The following PRKCH variants were observed in gnomAD, a reference collection of about 807,000 sequenced individuals.
The protein encoded by PRKCH is protein kinase C eta type.
A neutral mutation model predicts 82.5 loss-of-function variants in PRKCH; 28 were observed. That is an observed-to-expected ratio of 0.34 (90% confidence interval 0.25 to 0.47). PRKCH has a LOEUF of 0.47. Among genes scored for constraint, PRKCH ranks in the 20% least tolerant of loss-of-function variants. The pLI is 1.00. For missense variants in PRKCH, 705 were observed against 881.8 expected, an observed-to-expected ratio of 0.80 and a Z score of 2.54; for synonymous variants, 322 against 327.4, an observed-to-expected ratio of 0.98 and a Z score of 0.18.
intron 4 of PRKCH, 79 bp from the exon 5 acceptor site, chr14:61,449,085 C>A: frequency 7.4e-7 from 1 of 1,343,958 alleles, no homozygotes; most frequent in South Asian, 1.2e-5. Flanking sequence ...TGGCACGGTG[C>A]AGCCCTGGTT....
At chr14:61,533,293 C>T (rs1206223967) in intron 12 of PRKCH, among the ~76,000 whole-genome samples, 1 of 129,716 alleles carries the variant, frequency 7.7e-6, no homozygotes, top group African/African-American at 2.7e-5. Context: ...GATAAAATTA[C>T]TAAAAAAAAA....
chr14:61,191,726 C>T (rs2044407883), intron 1 of PRKCH, among the ~76,000 whole-genome samples: 1 of 151,906 alleles, frequency 6.6e-6, no homozygotes, highest in Non-Finnish European at 1.5e-5. Context: ...TCAACTTACT[C>T]CTTCTGAATT....
In PRKCH at chr14:61,202,715, A is replaced by G. The variant is rs1246923062; in HGVS notation, c.-19+15047A>G. Among the ~76,000 whole-genome samples, 10 of 152,306 alleles carry G rather than the reference A, an allele frequency of 6.6e-5. No individual in the cohort carries two copies. In the East Asian group the frequency reaches 1.5e-3, roughly 24 times the overall value. On this transcript the variant is annotated intron_variant, in intron 1 of 3. Coordinates refer to the PRKCH transcript ENST00000555185. Reference sequence around the variant, plus strand: ...CCACTTACAAAAAAATTAATAGACTATTCTTTGAAAAGTTTTAGGTTTACA... The same window carrying G: ...CCACTTACAAAAAAATTAATAGACTGTTCTTTGAAAAGTTTTAGGTTTACA...
intron 10 of PRKCH, among the ~76,000 whole-genome samples, chr14:61,505,373 GTCTTTTCTTTTCTTT>G (rs1171315407): frequency 1.9e-5 from 2 of 104,234 alleles, no homozygotes; most frequent in Admixed American, 1.0e-4. Context: ...TCTAGGATTT[GTCTTTTCTTTTCTTT>G]TCTTTTCTTT....
At chr14:61,212,428 A>G (rs147900739) in intron 1 of PRKCH, among the ~76,000 whole-genome samples, 47 of 152,374 alleles carry the variant, frequency 3.1e-4, no homozygotes, top group Middle Eastern at 3.4e-3. Context: ...AGAATCAGTA[A>G]TACATAGACA....
At chr14:61,339,903 T>C (rs1049476715) in intron 1 of PRKCH, among the ~76,000 whole-genome samples, 2 of 151,884 alleles carry the variant, frequency 1.3e-5, no homozygotes, top group African/African-American at 4.8e-5. Context: ...CAGGCTGGTC[T>C]CCAAGTGCGG....
intron 1 of PRKCH, among the ~76,000 whole-genome samples, chr14:61,362,199 G>C (rs2046233469): frequency 6.6e-6 from 1 of 152,064 alleles, no homozygotes; most frequent in Non-Finnish European, 1.5e-5. Flanking sequence ...AAATAGCTAA[G>C]TGTGGTGCTA....
chr14:61,322,056 G>T lies in PRKCH; in HGVS notation c.-46G>T. 1.3e-6 allele frequency: 2 copies of T among 1,490,530 alleles called. No homozygotes were observed. The highest frequency in any genetic ancestry group is 2.5e-5 in the East Asian group (1 of 40,052). The allele number at this position is 1,490,530 out of a possible 1,614,324, so 92.3% of individuals were successfully genotyped here. On this transcript the variant is annotated 5_prime_UTR_variant, in exon 1 of 14. Coordinates refer to ENST00000332981, the MANE Select transcript of PRKCH (RefSeq NM_006255.5). ...CTGAGACGGGACTCCCGGTTCTCCC[G>T]CTGCGAAGCAGCGCGGCCCCCCGGG...
chr14:61,262,416 A>C (rs2045057368), intron 1 of PRKCH, among the ~76,000 whole-genome samples: 1 of 152,170 alleles, frequency 6.6e-6, no homozygotes, highest in African/African-American at 2.4e-5. Flanking sequence ...TGCGGGGATC[A>C]AAAGAAGCTG....
upstream of PRKCH, among the ~76,000 whole-genome samples, chr14:61,318,342 C>T (rs552399231): frequency 6.6e-6 from 1 of 151,730 alleles, no homozygotes; most frequent in Admixed American, 6.6e-5. Context: ...AACACAGGCA[C>T]GTGCCCTGGC....
At position 61,465,853 on chromosome 14, in the gene PRKCH, C is replaced by T. The variant is rs149730053; in HGVS notation, c.1278+8174C>T. Among the ~76,000 whole-genome samples the T allele has an allele frequency of 2.1e-3, 318 of 152,300 alleles. 1 individual carries two copies. The highest frequency in any genetic ancestry group is 7.3e-3 in the African/African-American group (305 of 41,556). On this transcript the variant is annotated intron_variant, in intron 9 of 13. Transcript: ENST00000332981. The stretch of plus-strand genomic sequence containing the variant: ...TTAAATTGTCAGGTACCGTCGTAAG[C>T]ACCTAACATGTATTGTTTATTGCAC...
Position 61,280,989 on chromosome 14 carries a change from G to A in PRKCH, c.-19+93321G>A. ...CCTTGATGCCGTTGGAGGAGTAGTA[G>A]AGGCCCAGGCCCAGGCCGATGAAGG... On this transcript the variant is annotated intron_variant, in intron 1 of 3. Coordinates refer to the PRKCH transcript ENST00000555185. The surrounding 1 kb of genome is among the most constrained non-coding windows in gnomAD (Gnocchi z 5.0). 6.5e-7 allele frequency: 1 copy of A among 1,542,360 alleles called. No individual in the cohort carries two copies. Among genetic ancestry groups the A allele is most frequent in the South Asian group, 1.2e-5 (1 of 83,566 alleles).
intron 1 of PRKCH, among the ~76,000 whole-genome samples, chr14:61,213,733 C>G (rs372103241): frequency 9.2e-5 from 14 of 152,232 alleles, no homozygotes; most frequent in Admixed American, 2.0e-4. Context: ...GGCCCAGCAG[C>G]TGCTCTGCTA....
At chr14:61,445,642 G>A in intron 3 of PRKCH, 50 bp from the exon 4 acceptor site, 1 of 1,518,754 alleles carries the variant, frequency 6.6e-7, no homozygotes, top group Non-Finnish European at 9.1e-7. Flanking sequence ...GACTATAAGA[G>A]GGTTATTGCT....
chr14:61,280,741 A>G lies in PRKCH; in HGVS notation c.-19+93073A>G. Reference sequence around the variant, plus strand: ...GACAGGGTGGCGCAGCGCGCTGGGGAGTCCGCTCAGCTGCGCGTCGTCGCG... The same window carrying G: ...GACAGGGTGGCGCAGCGCGCTGGGGGGTCCGCTCAGCTGCGCGTCGTCGCG... On this transcript the variant is annotated intron_variant, in intron 1 of 3. Transcript: ENST00000555185. The surrounding 1 kb of genome is among the most constrained non-coding windows in gnomAD (Gnocchi z 5.0). The G allele has an allele frequency of 6.4e-7, 1 of 1,571,448 alleles. No homozygotes were observed. The highest frequency in any genetic ancestry group is 8.6e-7 in the Non-Finnish European group (1 of 1,164,930).
intron 1 of PRKCH, chr14:61,281,137 C>T (rs2045261652): frequency 2.2e-6 from 3 of 1,381,858 alleles, no homozygotes; most frequent in Admixed American, 3.6e-5. Context: ...GGCCGTGGCG[C>T]TCCAGGTCAT....
chr14:61,415,160 C>T (rs780676650), intron 2 of PRKCH, among the ~76,000 whole-genome samples: 48 of 152,210 alleles, frequency 3.2e-4, no homozygotes, highest in Non-Finnish European at 5.6e-4. Flanking sequence ...AACACTGAAG[C>T]TTGAACACAC....
intron 1 of PRKCH, among the ~76,000 whole-genome samples, chr14:61,324,425 G>A (rs1017633365): frequency 6.6e-6 from 1 of 152,114 alleles, no homozygotes; most frequent in Non-Finnish European, 1.5e-5. Context: ...TTTTTCATGC[G>A]TTTGCATGCA....
At chr14:61,251,736 A>T (rs1263473245) in intron 1 of PRKCH, among the ~76,000 whole-genome samples, 1 of 152,166 alleles carries the variant, frequency 6.6e-6, no homozygotes, top group Admixed American at 6.5e-5. Flanking sequence ...GGATTGCTGG[A>T]CCATAGGGTA....
Sources: allele counts gnomAD v4.1 joint callset (sites outside exome capture counted in the v4.1 genomes callset), GRCh38; gene constraint gnomAD v4.1.1; non-coding constraint Gnocchi (gnomAD v3.1); transcripts MANE v1.5; gene names NCBI Gene and HGNC (gene_info 2026-07-23, HGNC 2026-07-21).